Variants in MAST4 observed in about 807,000 individuals in gnomAD.
MAST4 encodes microtubule-associated serine/threonine-protein kinase 4.
Under a neutral mutation model 162.7 loss-of-function variants are expected in MAST4, and 89 were observed. The observed-to-expected ratio is 0.55, with a 90% CI of 0.46 to 0.65. MAST4 has a LOEUF of 0.65. Ranked by LOEUF, MAST4 falls within the 30% of genes least tolerant of loss-of-function variation. The pLI is 0.00. For missense variants in MAST4, 3,153 were observed against 3,374.0 expected (o/e 0.93, Z 1.62); for synonymous variants, 1,479 against 1,361.1 (o/e 1.09, Z -1.91).
At chr5:67,115,906 G>T (rs928746532) in intron 12 of MAST4, among the ~76,000 whole-genome samples, 4 of 152,012 alleles carry the variant, frequency 2.6e-5, no homozygotes, top group Non-Finnish European at 4.4e-5. Flanking sequence ...TAGTTGGAAT[G>T]GGGGAGGCTG....
At chr5:67,006,034 T>C (rs2150335631) in intron 4 of MAST4, among the ~76,000 whole-genome samples, 1 of 152,372 alleles carries the variant, frequency 6.6e-6, no homozygotes, top group Admixed American at 6.5e-5. Context: ...TTTTTGGTTA[T>C]ACCTGTAACT....
intron 3 of MAST4, among the ~76,000 whole-genome samples, chr5:66,876,753 A>G (rs1761328031): frequency 6.6e-6 from 1 of 152,176 alleles, no homozygotes; most frequent in East Asian, 1.9e-4. Flanking sequence ...GCGTGTACCC[A>G]GGTGCCTTTT....
chr5:67,073,338 G>T (rs1171058981), intron 5 of MAST4, among the ~76,000 whole-genome samples: 1 of 152,076 alleles, frequency 6.6e-6, no homozygotes, highest in Non-Finnish European at 1.5e-5. Context: ...TTATTGCATT[G>T]TTTCAAGCCA....
At chr5:66,904,536 G>A (rs190155822) in intron 4 of MAST4, among the ~76,000 whole-genome samples, 12 of 152,230 alleles carry the variant, frequency 7.9e-5, no homozygotes, top group Admixed American at 4.6e-4. Context: ...ATTATAAGCC[G>A]TGGTGCATTG....
chr5:66,798,855 T>G (rs994002002), intron 3 of MAST4, among the ~76,000 whole-genome samples: 1 of 152,220 alleles, frequency 6.6e-6, no homozygotes, highest in African/African-American at 2.4e-5. Context: ...GTACGGGTAT[T>G]TCTTTCCTTG....
At chr5:67,100,817 A>G (rs1362258735) in intron 8 of MAST4, among the ~76,000 whole-genome samples, 2 of 152,222 alleles carry the variant, frequency 1.3e-5, no homozygotes, top group Non-Finnish European at 2.9e-5. Flanking sequence ...CAGCAGTAGT[A>G]ATCACGATGG....
At chr5:66,678,965 T>C (rs1006473139) in intron 1 of MAST4, among the ~76,000 whole-genome samples, 5 of 152,202 alleles carry the variant, frequency 3.3e-5, no homozygotes, top group African/African-American at 9.7e-5. Context: ...GTAATTTTTG[T>C]ATTTTTAATA....
intron 1 of MAST4, among the ~76,000 whole-genome samples, chr5:66,735,744 G>C (rs547464170): frequency 1.3e-5 from 2 of 152,292 alleles, no homozygotes; most frequent in Non-Finnish European, 2.9e-5. Context: ...TCACTTGTTA[G>C]GTTGAGAGAT....
intron 4 of MAST4, among the ~76,000 whole-genome samples, chr5:66,974,802 G>A (rs1419681122): frequency 3.3e-5 from 5 of 152,080 alleles, no homozygotes; most frequent in African/African-American, 1.2e-4. Flanking sequence ...AGCTTTCATG[G>A]GATTTGCAAA....
At chr5:66,894,761 G>A (rs934363130) in intron 3 of MAST4, among the ~76,000 whole-genome samples, 1 of 152,218 alleles carries the variant, frequency 6.6e-6, no homozygotes, top group Non-Finnish European at 1.5e-5. Context: ...GAGTGGTGGT[G>A]CAGAAGGCAA....
Position 67,090,094 on chromosome 5 carries a change from G to A in MAST4, c.764-68G>A, listed in dbSNP as rs1280951830. The stretch of plus-strand genomic sequence containing the variant: ...ATGTAAATAAACTTATTTCTAAGGA[G>A]AGAATTATTGATGTGGAAATGATAC... On this transcript the variant is annotated intron_variant, in intron 5 of 28. Transcript: ENST00000403625. 3 of 1,075,000 alleles carry A rather than the reference G, an allele frequency of 2.8e-6. No homozygotes were observed. The African/African-American group carries it at 4.7e-5, about 17-fold the overall frequency. 66.6% of individuals were successfully genotyped at this position (1,075,000 alleles called of 1,614,324 possible).
In MAST4 at chr5:67,145,201, T is replaced by C; in HGVS notation, c.2916T>C (p.Ser972=). Residue 972 remains serine, a synonymous_variant, in exon 23 of 29, where the codon AGT becomes AGC. Coordinates refer to ENST00000403625, the MANE Select transcript of MAST4 (RefSeq NM_001164664.2). ...CTGAAAGCAACAGACATAAACTCAG[T>C]TCTGGCCTACTTCCCAAACTGGCTA... ...SDTESNRHKL[S]SGLLPKLAIS... 6.2e-7 allele frequency: 1 copy of C among 1,613,476 alleles called. No homozygotes were observed.
At chr5:67,155,649 G>GGA (rs1237411784) in intron 26 of MAST4, among the ~76,000 whole-genome samples, 1 of 152,096 alleles carries the variant, frequency 6.6e-6, no homozygotes, top group Non-Finnish European at 1.5e-5. Context: ...TGGACACTGG[G>GGA]GAGCTTCAGT....
chr5:66,751,881 G>C (rs2149594948), intron 1 of MAST4, among the ~76,000 whole-genome samples: 1 of 148,308 alleles, frequency 6.7e-6, no homozygotes, highest in Non-Finnish European at 1.5e-5. Flanking sequence ...AAAATGTTAA[G>C]GGCAGCCAGA....
chr5:66,654,335 C>G (rs1219751598), intron 1 of MAST4, among the ~76,000 whole-genome samples: 3 of 152,178 alleles, frequency 2.0e-5, no homozygotes, highest in African/African-American at 7.2e-5. Flanking sequence ...TTTTATGAGG[C>G]AACCAAAAGT....
intron 14 of MAST4, 64 bp downstream of exon 14, chr5:67,121,166 A>G: frequency 1.6e-6 from 2 of 1,286,974 alleles, no homozygotes; most frequent in Non-Finnish European, 2.2e-6. Context: ...ATTTATTCTT[A>G]ACATTTATCT....
intron 4 of MAST4, among the ~76,000 whole-genome samples, chr5:66,984,911 T>C (rs116670548): frequency 0.012 from 1,787 of 152,224 alleles, 14 homozygotes; most frequent in Non-Finnish European, 0.02. Flanking sequence ...TTAAAAGTTT[T>C]GTTTTGTTTG....
intron 4 of MAST4, among the ~76,000 whole-genome samples, chr5:66,911,776 A>C (rs1763795317): frequency 2.6e-5 from 4 of 152,066 alleles, no homozygotes; most frequent in Admixed American, 2.6e-4. Context: ...GTATTATAGA[A>C]ATATAATCTT....
chr5:66,745,874 C>T (rs931609267), intron 1 of MAST4, among the ~76,000 whole-genome samples: 1 of 152,258 alleles, frequency 6.6e-6, no homozygotes, highest in South Asian at 2.1e-4. Context: ...TTTTTTAAAG[C>T]AATTCTGGGT....
Sources: gnomAD v4.1 joint callset for allele counts (sites outside exome capture counted in the v4.1 genomes callset) on GRCh38, gnomAD v4.1.1 for gene constraint, MANE v1.5 for transcripts, NCBI Gene and HGNC (gene_info 2026-07-23, HGNC 2026-07-21) for gene names.